The following PACRG variants were observed in gnomAD, a reference collection of about 807,000 sequenced individuals.
PACRG encodes parkin coregulated, also known as parkin coregulated gene protein.
A neutral mutation model predicts 29.7 loss-of-function variants in PACRG; 29 were observed. That is an observed-to-expected ratio of 0.98 (90% CI 0.73 to 1.33). The LOEUF is 1.33. Among genes scored for constraint, PACRG ranks in the 40% most tolerant of loss-of-function variants. The pLI, the probability that PACRG is intolerant of heterozygous loss-of-function variation, is 0.00. For synonymous variants in PACRG, 116 were observed against 118.7 expected (o/e 0.98, Z 0.15); for missense variants, 279 against 316.2 (o/e 0.88, Z 0.89).
At chr6:162,814,975 A>G (rs1787207925) in intron 2 of PACRG, among the ~76,000 whole-genome samples, 1 of 152,210 alleles carries the variant, frequency 6.6e-6, no homozygotes, top group Admixed American at 6.5e-5. Flanking sequence ...AAACTTGCCA[A>G]TCTCTTAACC....
chr6:163,044,170 C>CTTTT (rs368372180), intron 2 of PACRG, among the ~76,000 whole-genome samples: 2 of 139,982 alleles, frequency 1.4e-5, no homozygotes, highest in Non-Finnish European at 3.1e-5. Flanking sequence ...AAACAGATGA[C>CTTTT]TTTTTTTTTT....
chr6:162,746,063 A>G (rs769493308), intron 1 of PACRG, among the ~76,000 whole-genome samples: 5 of 152,166 alleles, frequency 3.3e-5, no homozygotes, highest in Non-Finnish European at 7.4e-5. Context: ...AAATTATGTA[A>G]TAAATGCCAA....
chr6:162,751,552 T>C (rs2128280093), intron 1 of PACRG, among the ~76,000 whole-genome samples: 1 of 152,292 alleles, frequency 6.6e-6, no homozygotes, highest in Non-Finnish European at 1.5e-5. Flanking sequence ...TTGGAAATTT[T>C]CCTTTTAAGT....
At chr6:163,289,761 G>C (rs1042485394) in intron 4 of PACRG, among the ~76,000 whole-genome samples, 28 of 151,916 alleles carry the variant, frequency 1.8e-4, no homozygotes, top group Non-Finnish European at 1.6e-4. Flanking sequence ...AGGGGGAGCT[G>C]GTGCCAGGGC....
At chr6:162,810,992 C>G (rs1229179386) in intron 1 of PACRG, among the ~76,000 whole-genome samples, 1 of 151,956 alleles carries the variant, frequency 6.6e-6, no homozygotes, top group South Asian at 2.1e-4. Flanking sequence ...AAAGGCACAT[C>G]GTAATTAAAC....
intron 2 of PACRG, among the ~76,000 whole-genome samples, chr6:162,864,938 A>T (rs1247424771): frequency 6.6e-6 from 1 of 152,134 alleles, no homozygotes; most frequent in Non-Finnish European, 1.5e-5. Context: ...TCCAAAGAAT[A>T]TTTTTTTAAC....
chr6:163,179,239 C>T (rs1394407107), intron 4 of PACRG: 2 of 455,858 alleles, frequency 4.4e-6, no homozygotes, highest in Non-Finnish European at 8.8e-6. Flanking sequence ...GTAGGTTCTC[C>T]TGCCAACAAG....
intron 4 of PACRG, among the ~76,000 whole-genome samples, chr6:163,112,672 G>A (rs1293074657): frequency 6.6e-6 from 1 of 152,150 alleles, no homozygotes; most frequent in East Asian, 1.9e-4. Context: ...AAAGGCACAG[G>A]CCTAAAGAAG....
intron 4 of PACRG, among the ~76,000 whole-genome samples, chr6:163,304,214 T>C (rs1294208998): frequency 6.6e-6 from 1 of 152,108 alleles, no homozygotes; most frequent in Non-Finnish European, 1.5e-5. Flanking sequence ...TGATCGAACA[T>C]TTCCAAATTC....
At chr6:162,869,374 G>C (rs1792601091) in intron 2 of PACRG, among the ~76,000 whole-genome samples, 1 of 152,118 alleles carries the variant, frequency 6.6e-6, no homozygotes, top group South Asian at 2.1e-4. Flanking sequence ...AAAAGATGTA[G>C]AGTCCACGGT....
chr6:162,988,254 A>G (rs949350231), intron 2 of PACRG, among the ~76,000 whole-genome samples: 2 of 152,138 alleles, frequency 1.3e-5, no homozygotes, highest in Non-Finnish European at 2.9e-5. Context: ...TAAATTGAGG[A>G]AGAATGTTGT....
intron 1 of PACRG, among the ~76,000 whole-genome samples, chr6:162,767,050 A>G (rs1462555938): frequency 6.6e-6 from 1 of 152,040 alleles, no homozygotes; most frequent in Non-Finnish European, 1.5e-5. Flanking sequence ...ACATGGAAAA[A>G]CACACGGAGT....
intron 1 of PACRG, among the ~76,000 whole-genome samples, chr6:162,787,582 G>GTATATATATATATATATA (rs869254835): frequency 1.6e-5 from 1 of 62,412 alleles, no homozygotes; most frequent in Non-Finnish European, 3.0e-5. Context: ...GTGTGTGTGT[G>GTATATATATATATATATA]TATATATATA....
At chr6:163,132,195 G>A (rs7760253) in intron 4 of PACRG, among the ~76,000 whole-genome samples, 2,891 of 152,168 alleles carry the variant, frequency 0.019, 94 homozygotes, top group African/African-American at 0.067. Context: ...GACAAGATTG[G>A]CTGGTTTTAT....
At chr6:163,103,313 T>C (rs1383050353) in intron 4 of PACRG, among the ~76,000 whole-genome samples, 2 of 152,176 alleles carry the variant, frequency 1.3e-5, no homozygotes, top group Admixed American at 6.5e-5. Context: ...TGGGGAGCTC[T>C]CAACTGCTAG....
intron 4 of PACRG, among the ~76,000 whole-genome samples, chr6:163,252,666 C>T (rs1782955839): frequency 6.6e-6 from 1 of 152,240 alleles, no homozygotes; most frequent in Non-Finnish European, 1.5e-5. Flanking sequence ...ACTGGTTTAT[C>T]TCCTAACGGA....
chr6:162,844,180 G>A (rs1482852559), intron 2 of PACRG, among the ~76,000 whole-genome samples: 1 of 150,720 alleles, frequency 6.6e-6, no homozygotes, highest in Non-Finnish European at 1.5e-5. Flanking sequence ...GGCAATGGCG[G>A]GCGCCCCTCC....
At chr6:163,089,993 G>A (rs138349438) in intron 4 of PACRG, among the ~76,000 whole-genome samples, 15 of 152,262 alleles carry the variant, frequency 9.9e-5, no homozygotes, top group East Asian at 1.9e-4. Context: ...TTCATTAAGC[G>A]TGTGATTTCA....
intron 2 of PACRG, among the ~76,000 whole-genome samples, chr6:162,906,528 A>G (rs1315956712): frequency 2.0e-5 from 3 of 152,214 alleles, no homozygotes; most frequent in South Asian, 2.1e-4. Context: ...GTTATCACCA[A>G]TGTTGACAGA....
Sources: allele counts gnomAD v4.1 joint callset (sites outside exome capture counted in the v4.1 genomes callset), GRCh38; gene constraint gnomAD v4.1.1; transcripts MANE v1.5; gene names NCBI Gene and HGNC (gene_info 2026-07-23, HGNC 2026-07-21).